CHD1L: variants seen among roughly 807,000 people sequenced by gnomAD.
CHD1L encodes ATP-dependent chromatin remodeler CHD1L.
In CHD1L, 118 loss-of-function variants were observed where a neutral mutation model predicts 115.9. That is an observed-to-expected ratio of 1.02 (90% CI 0.88 to 1.19). CHD1L has a LOEUF of 1.19. CHD1L is among the 50% of genes most tolerant of loss of function. The probability of loss-of-function intolerance (pLI) is 0.00; values close to 1 mark genes in which losing one functional copy is unlikely to be tolerated. For missense variants in CHD1L, 1,179 were observed against 1,065.3 expected (o/e 1.11, Z -1.49); for synonymous variants, 411 against 387.1 (o/e 1.06, Z -0.72).
rs782032017 is a variant in CHD1L, at chr1:147,286,455, C to A, written c.2176C>A (p.His726Asn). 4.3e-6 allele frequency: 7 copies of A among 1,613,964 alleles called. No individual in the cohort carries two copies. Among genetic ancestry groups the A allele is most frequent in the African/African-American group, 1.3e-5 (1 of 74,910 alleles). ...CAAGTACGTTAGTGGTGATGTCACCCACCCTCAGGCTGGGGCCGAGGATGC... is the reference window on the plus strand; with the variant it reads ...CAAGTACGTTAGTGGTGATGTCACCAACCCTCAGGCTGGGGCCGAGGATGC... The part of the protein sequence containing the change: ...SLKYVSGDVT[H>N]PQAGAEDALI... Residue 726 changes from histidine to asparagine, a missense_variant, in exon 18 of 23, where the codon CAC becomes AAC. Coordinates refer to ENST00000369258, the MANE Select transcript of CHD1L (RefSeq NM_004284.6).
At chr1:147,223,123 C>G in the CHD1L span, among the ~76,000 whole-genome samples, 1 of 152,082 alleles carries the variant, frequency 6.6e-6, no homozygotes, top group Non-Finnish European at 1.5e-5. Flanking sequence ...AATGATGTGC[C>G]CAAAGTCACA....
Position 147,280,114 on chromosome 1 carries a change from G to A in CHD1L, c.1628G>A (p.Gly543Glu). ...GAAATAGACCTGGAGTCCATCCTGG[G>A]AGAAACAAAAGATGGCCAGTGGGTC... is the stretch of plus-strand genomic sequence containing the variant. ...MDEIDLESILGETKDGQWVSD... is the reference protein window; with the variant it reads ...MDEIDLESILEETKDGQWVSD... The change falls in exon 15 of 23, where the codon GGA becomes GAA. Residue 543 changes from glycine to glutamate, a missense_variant. Transcript: ENST00000369258. The A allele has an allele frequency of 1.2e-6, 2 of 1,613,860 alleles. No individual in the cohort carries two copies.
chr1:147,274,980 A>T (rs1163632867), intron 12 of CHD1L, among the ~76,000 whole-genome samples: 2 of 152,106 alleles, frequency 1.3e-5, no homozygotes, highest in Non-Finnish European at 2.9e-5. Flanking sequence ...TCATATTTAG[A>T]TCTGTTTTCT....
At chr1:147,236,297 T>C in the CHD1L span, among the ~76,000 whole-genome samples, 1 of 152,214 alleles carries the variant, frequency 6.6e-6, no homozygotes, top group Non-Finnish European at 1.5e-5. Context: ...GGGCTGCAGC[T>C]CCTCTCTCCT....
rs151306365 is a variant in CHD1L, at chr1:147,263,235, C to CT, written c.577-1186dup. 9.5e-3 allele frequency among the ~76,000 whole-genome samples: 1,440 copies of CT among 151,978 alleles called. 24 individuals are homozygous for CT. Among genetic ancestry groups the CT allele is most frequent in the African/African-American group, 0.033 (1,366 of 41,446 alleles). On this transcript the variant is annotated intron_variant, in intron 6 of 22. Coordinates refer to ENST00000369258, the MANE Select transcript of CHD1L (RefSeq NM_004284.6). ...TTGAACCCAGGAGTTCAAAAGCAGC[C>CT]TGGGCAACATAGTGAGACCTTGTCG...
At chr1:147,278,845 AAG>A (rs1679682246) in intron 14 of CHD1L, among the ~76,000 whole-genome samples, 1 of 152,172 alleles carries the variant, frequency 6.6e-6, no homozygotes, top group Admixed American at 6.5e-5. Flanking sequence ...ATTCCAATCC[AAG>A]CACTCTCTAA....
In CHD1L at chr1:147,252,673, C is replaced by T. The variant is rs782045573; in HGVS notation, c.178C>T (p.Arg60Cys). Residue 60 changes from arginine to cysteine, a missense_variant, in exon 2 of 23, where the codon CGC (arginine) becomes TGC (cysteine). Transcript: ENST00000369258. ...QLEGVNWLAQ[R>C]FHCQNGCILG... The stretch of plus-strand genomic sequence containing the variant: ...GGAGGGAGTAAACTGGCTCGCCCAG[C>T]GCTTCCATTGTCAGAATGGCTGTAT... 3.5e-5 allele frequency: 56 copies of T among 1,613,958 alleles called. No homozygotes were observed. Among genetic ancestry groups the T allele is most frequent in the East Asian group, 1.3e-4 (6 of 44,892 alleles).
the CHD1L span, among the ~76,000 whole-genome samples, chr1:147,233,897 C>T: frequency 2.6e-5 from 4 of 152,082 alleles, no homozygotes; most frequent in African/African-American, 9.7e-5. Context: ...TTGAAGGCAG[C>T]ATGCTCGTTA....
the CHD1L span, chr1:147,187,207 T>C: frequency 4.3e-6 from 7 of 1,613,890 alleles, no homozygotes; most frequent in Middle Eastern, 5.0e-4. Context: ...GGTATCTATG[T>C]AGTCTCCCTG....
Position 147,268,872 on chromosome 1 carries a change from A to G in CHD1L, c.1079A>G (p.Tyr360Cys). The G allele has an allele frequency of 6.2e-7, 1 of 1,612,024 alleles. No homozygotes were observed. ...CTGGATAAGCTACTAGCATTCCTGT[A>G]TTCTGGGTAGGTGGTAGGTTCACAT... Reference protein sequence around the residue: ...HLLDKLLAFLYSGGHRVLLFS... With the variant: ...HLLDKLLAFLCSGGHRVLLFS... Residue 360 changes from tyrosine to cysteine, a missense_variant, in exon 10 of 23, where the codon TAT becomes TGT. Physicochemically the swap from Tyr to Cys is radical, Grantham distance 194. Coordinates refer to ENST00000369258, the MANE Select transcript of CHD1L (RefSeq NM_004284.6).
the CHD1L span, among the ~76,000 whole-genome samples, chr1:147,233,315 C>G: frequency 6.6e-6 from 1 of 151,064 alleles, no homozygotes; most frequent in Non-Finnish European, 1.5e-5. Context: ...GCCACCCCAT[C>G]CAGGAGGGAG....
At chr1:147,178,787 A>G in the CHD1L span, 1 of 1,604,712 alleles carries the variant, frequency 6.2e-7, no homozygotes, top group Non-Finnish European at 8.5e-7. Context: ...TATACAGTGC[A>G]AAAAATGACC....
chr1:147,217,208 C>T, the CHD1L span, among the ~76,000 whole-genome samples: 1 of 150,914 alleles, frequency 6.6e-6, no homozygotes, highest in Admixed American at 6.6e-5. Context: ...CATTGCACTC[C>T]AGCCTGGGCA....
intron 4 of CHD1L, 129 bp from the exon 5 acceptor site, chr1:147,256,402 T>G (rs1670160416): frequency 6.1e-6 from 5 of 822,232 alleles, no homozygotes; most frequent in Non-Finnish European, 9.6e-6. Context: ...TCTCAGAACT[T>G]TTTTTTACTT....
the CHD1L span, among the ~76,000 whole-genome samples, chr1:147,219,855 T>TG: frequency 6.6e-6 from 1 of 150,954 alleles, no homozygotes; most frequent in East Asian, 1.9e-4. Flanking sequence ...TTTTTTTTTT[T>TG]TGAGACAGAG....
At chr1:147,228,077 C>T in the CHD1L span, among the ~76,000 whole-genome samples, 26 of 151,506 alleles carry the variant, frequency 1.7e-4, no homozygotes, top group Non-Finnish European at 2.8e-4. Flanking sequence ...GTTACATATG[C>T]ATACATGTGC....
At chr1:147,204,478 T>G in the CHD1L span, 20 of 1,498,296 alleles carry the variant, frequency 1.3e-5, no homozygotes. Flanking sequence ...TCGAAGGTTT[T>G]TTGCAGAACA....
At chr1:147,231,312 C>A in the CHD1L span, among the ~76,000 whole-genome samples, 1 of 152,096 alleles carries the variant, frequency 6.6e-6, no homozygotes, top group African/African-American at 2.4e-5. Context: ...TGTAGTGGAG[C>A]GGTTTTGAGT....
chr1:147,244,801 C>CTT (rs144769996), intron 1 of CHD1L, among the ~76,000 whole-genome samples: 2,079 of 151,588 alleles, frequency 0.014, 23 homozygotes, highest in Admixed American at 0.021. Context: ...TATTTAGGTT[C>CTT]TTTTTTTTGC....
Sources: allele counts gnomAD v4.1 joint callset (sites outside exome capture counted in the v4.1 genomes callset), GRCh38; gene constraint gnomAD v4.1.1; transcripts MANE v1.5; gene names NCBI Gene and HGNC (gene_info 2026-07-23, HGNC 2026-07-21).